Variants in CENPW observed in about 807,000 individuals in gnomAD.
CENPW encodes cancer-up-regulated gene 2 protein.
CENPW carries 3 observed loss-of-function variants against 11.1 expected under a neutral mutation model. The ratio of observed to expected loss-of-function variants is 0.27; its 90% CI spans 0.12 to 0.70. The LOEUF is 0.70. Among genes scored for constraint, CENPW ranks in the 30% least tolerant of loss-of-function variants. The probability of loss-of-function intolerance (pLI) is 0.77; values close to 1 mark genes in which losing one functional copy is unlikely to be tolerated. For missense variants in CENPW, 100 were observed against 105.6 expected, an observed-to-expected ratio of 0.95 and a Z score of 0.23; for synonymous variants, 38 against 42.0, an observed-to-expected ratio of 0.91 and a Z score of 0.37.
the CENPW span, among the ~76,000 whole-genome samples, chr6:126,424,664 T>C: frequency 3.6e-3 from 544 of 152,262 alleles, 1 homozygote; most frequent in Middle Eastern, 0.014. Flanking sequence ...TGCTCATGTA[T>C]TGCATTTTTG....
At chr6:126,369,978 C>T in the CENPW span, among the ~76,000 whole-genome samples, 1 of 152,148 alleles carries the variant, frequency 6.6e-6, no homozygotes, top group African/African-American at 2.4e-5. Flanking sequence ...GATCCAGTTT[C>T]ATTCTACCTG....
In CENPW at chr6:126,340,210, C is replaced by T. The variant is rs1028265884; in HGVS notation, c.-64C>T. On this transcript the variant is annotated 5_prime_UTR_variant, in exon 1 of 3. Coordinates refer to ENST00000368328, the MANE Select transcript of CENPW (RefSeq NM_001012507.4). ...ATTGTTTTCGCTGGCCCAGTGTCCCCGGAGCTTGTGTGCGATACAGAGAGC... is the reference window on the plus strand; with the variant it reads ...ATTGTTTTCGCTGGCCCAGTGTCCCTGGAGCTTGTGTGCGATACAGAGAGC... 6.6e-7 allele frequency: 1 copy of T among 1,512,742 alleles called. No homozygotes were observed. The highest frequency in any genetic ancestry group is 9.1e-7 in the Non-Finnish European group (1 of 1,094,864). The allele number at this position is 1,512,742 out of a possible 1,614,324, so 93.7% of individuals were successfully genotyped here.
At chr6:126,421,933 C>A in the CENPW span, among the ~76,000 whole-genome samples, 1 of 152,152 alleles carries the variant, frequency 6.6e-6, no homozygotes, top group Non-Finnish European at 1.5e-5. Context: ...AGGCCATGAG[C>A]AATTTGCCAT....
chr6:126,445,922 C>T, the CENPW span, among the ~76,000 whole-genome samples: 13 of 151,004 alleles, frequency 8.6e-5, no homozygotes, highest in Non-Finnish European at 4.5e-5. Context: ...TTTGGATATG[C>T]GGTTTCTAAA....
the CENPW span, among the ~76,000 whole-genome samples, chr6:126,386,315 T>G: frequency 6.6e-6 from 1 of 152,030 alleles, no homozygotes; most frequent in Non-Finnish European, 1.5e-5. Flanking sequence ...ACTCCCCATG[T>G]GTATAAATGG....
the CENPW span, among the ~76,000 whole-genome samples, chr6:126,429,083 A>G: frequency 6.6e-6 from 1 of 152,148 alleles, no homozygotes; most frequent in Non-Finnish European, 1.5e-5. Context: ...TCTCATTATT[A>G]GACATTTAAA....
At chr6:126,409,194 T>C in the CENPW span, among the ~76,000 whole-genome samples, 3 of 152,184 alleles carry the variant, frequency 2.0e-5, no homozygotes, top group African/African-American at 7.2e-5. Flanking sequence ...CATTGGTTGT[T>C]CAGGAGCATA....
At chr6:126,472,488 T>C in the CENPW span, among the ~76,000 whole-genome samples, 2 of 152,216 alleles carry the variant, frequency 1.3e-5, no homozygotes, top group African/African-American at 4.8e-5. Flanking sequence ...CATGTATCAA[T>C]AGTTCATTCC....
At chr6:126,452,737 A>G in the CENPW span, among the ~76,000 whole-genome samples, 2 of 151,156 alleles carry the variant, frequency 1.3e-5, no homozygotes, top group African/African-American at 4.8e-5. Flanking sequence ...TGTCTAAAAA[A>G]TTATCAAGTT....
chr6:126,472,940 T>C, the CENPW span, among the ~76,000 whole-genome samples: 1 of 152,340 alleles, frequency 6.6e-6, no homozygotes, highest in African/African-American at 2.4e-5. Flanking sequence ...TAATAGAATA[T>C]GCTAATGGCA....
At chr6:126,447,212 G>C in the CENPW span, among the ~76,000 whole-genome samples, 4 of 151,170 alleles carry the variant, frequency 2.6e-5, no homozygotes, top group African/African-American at 9.7e-5. Flanking sequence ...CCAGGAATCT[G>C]CATTTTATAC....
the CENPW span, among the ~76,000 whole-genome samples, chr6:126,416,166 T>A: frequency 1.3e-5 from 2 of 152,174 alleles, no homozygotes; most frequent in South Asian, 4.2e-4. Flanking sequence ...AGGTGATGAC[T>A]CTTCTTATGT....
At chr6:126,452,434 G>A in the CENPW span, among the ~76,000 whole-genome samples, 68,540 of 150,812 alleles carry the variant, frequency 0.45, 17,231 homozygotes, top group East Asian at 0.97. Flanking sequence ...AGATATACAG[G>A]AGAACGTATT....
the CENPW span, among the ~76,000 whole-genome samples, chr6:126,400,210 A>G: frequency 6.6e-6 from 1 of 152,112 alleles, no homozygotes; most frequent in South Asian, 2.1e-4. Flanking sequence ...ACAGAAATGT[A>G]TGAGAATACC....
intron 1 of CENPW, among the ~76,000 whole-genome samples, chr6:126,341,842 C>A (rs1043745992): frequency 6.6e-6 from 1 of 152,178 alleles, no homozygotes; most frequent in Non-Finnish European, 1.5e-5. Flanking sequence ...TAGTCAGCAT[C>A]CTCCCACATC....
At chr6:126,439,324 T>C in the CENPW span, among the ~76,000 whole-genome samples, 2 of 151,676 alleles carry the variant, frequency 1.3e-5, no homozygotes, top group East Asian at 3.9e-4. Flanking sequence ...TAGTTCATCG[T>C]AGGGATGAAA....
At chr6:126,479,139 G>T in the CENPW span, among the ~76,000 whole-genome samples, 3 of 151,912 alleles carry the variant, frequency 2.0e-5, no homozygotes, top group Admixed American at 2.0e-4. Flanking sequence ...TCTTCCTAGG[G>T]AACTATAGTC....
At chr6:126,471,598 C>G in the CENPW span, among the ~76,000 whole-genome samples, 1 of 152,122 alleles carries the variant, frequency 6.6e-6, no homozygotes, top group Non-Finnish European at 1.5e-5. Flanking sequence ...TATATATTCT[C>G]ACCATTGAAA....
the CENPW span, among the ~76,000 whole-genome samples, chr6:126,400,205 A>G: frequency 1.4e-3 from 218 of 152,180 alleles, no homozygotes; most frequent in Middle Eastern, 3.4e-3. Context: ...ACCCCACAGA[A>G]ATGTATGAGA....
Sources: allele counts gnomAD v4.1 joint callset (sites outside exome capture counted in the v4.1 genomes callset), GRCh38; gene constraint gnomAD v4.1.1; transcripts MANE v1.5; gene names NCBI Gene and HGNC (gene_info 2026-07-23, HGNC 2026-07-21).